PPP5C: variants seen among roughly 807,000 people sequenced by gnomAD.
The protein encoded by PPP5C is protein phosphatase 5 catalytic subunit.
A neutral mutation model predicts 66.7 loss-of-function variants in PPP5C; 21 were observed. The ratio of observed to expected loss-of-function variants is 0.31; its 90% CI spans 0.22 to 0.45. The LOEUF (loss-of-function observed/expected upper bound fraction) is 0.45. Among genes scored for constraint, PPP5C ranks in the 20% least tolerant of loss-of-function variants. The pLI is 1.00. For synonymous variants in PPP5C, 246 were observed against 257.4 expected (o/e 0.96, Z 0.43); for missense variants, 464 against 675.9 (o/e 0.69, Z 3.48).
At position 46,387,110 on chromosome 19, in the gene PPP5C, A is replaced by G; in HGVS notation, c.922A>G (p.Asn308Asp). 3.1e-6 allele frequency: 5 copies of G among 1,614,260 alleles called. No individual in the cohort carries two copies. Among genetic ancestry groups the G allele is most frequent in the Non-Finnish European group, 4.2e-6 (5 of 1,180,052 alleles). The change falls in exon 8 of 13, where the codon AAC becomes GAC. Residue 308 changes from asparagine (N) to aspartate (D), a missense_variant. Around this residue, in one of 2 missense-constraint regions of PPP5C, gnomAD observed 387 missense variants for 626.0 expected, o/e 0.62. Coordinates refer to ENST00000012443, the MANE Select transcript of PPP5C (RefSeq NM_006247.4). ...HLLRGNHETD[N>D]MNQIYGFEGE... Reference sequence around the variant, plus strand: ...TTGGCCAGGCAACCACGAGACAGACAACATGAACCAGATCTACGGTTTCGA... The same window carrying G: ...TTGGCCAGGCAACCACGAGACAGACGACATGAACCAGATCTACGGTTTCGA...
At position 46,388,357 on chromosome 19, in the gene PPP5C, C is replaced by T; in HGVS notation, c.1136-51C>T. On this transcript the variant is annotated intron_variant, in intron 9 of 12. Coordinates refer to ENST00000012443, the MANE Select transcript of PPP5C (RefSeq NM_006247.4). The surrounding 1 kb of genome is among the most constrained non-coding windows in gnomAD (Gnocchi z 4.9). Reference sequence around the variant, plus strand: ...GGCCAGGAGGTGGCCTGTGAGTGACCACCCCCGGGGAGGTGGACGAGTCCC... The same window carrying T: ...GGCCAGGAGGTGGCCTGTGAGTGACTACCCCCGGGGAGGTGGACGAGTCCC... 4 of 1,560,764 alleles carry T rather than the reference C, an allele frequency of 2.6e-6. No homozygotes were observed. The highest frequency in any genetic ancestry group is 3.5e-6 in the Non-Finnish European group (4 of 1,147,246).
At chr19:46,354,437 A>G (rs1483072962) in intron 2 of PPP5C, among the ~76,000 whole-genome samples, 2 of 152,204 alleles carry the variant, frequency 1.3e-5, no homozygotes, top group Non-Finnish European at 2.9e-5. Flanking sequence ...AGGGGCAGGC[A>G]GAAAACCCAC....
chr19:46,367,757 T>G (rs1481818052), intron 2 of PPP5C, among the ~76,000 whole-genome samples: 1 of 152,126 alleles, frequency 6.6e-6, no homozygotes, highest in Non-Finnish European at 1.5e-5. Context: ...AGGGACCAAG[T>G]GTCAGCACTC....
Position 46,383,162 on chromosome 19 carries a change from A to G in PPP5C, c.634-249A>G. On this transcript the variant is annotated intron_variant, in intron 4 of 12. Coordinates refer to ENST00000012443, the MANE Select transcript of PPP5C (RefSeq NM_006247.4). This position sits in a 1 kb window ranked among gnomAD's most constrained non-coding sequence, Gnocchi z 5.0. ...TCCACTTGATGCTGAGTATTTTAAG[A>G]TAATTCAAGAATCAGGTTTTCGTAC... is the stretch of plus-strand genomic sequence containing the variant. 1 of 1,459,958 alleles carries G rather than the reference A, an allele frequency of 6.8e-7. No individual in the cohort carries two copies. The highest frequency in any genetic ancestry group is 9.1e-7 in the Non-Finnish European group (1 of 1,100,636). 90.4% of individuals were successfully genotyped at this position (1,459,958 alleles called of 1,614,324 possible). A position where few individuals can be genotyped will look rare whatever the true frequency, so the allele number is the denominator to read the frequency against.
Position 46,388,134 on chromosome 19 carries a change from C to A in PPP5C, c.1136-274C>A, listed in dbSNP as rs1972924200. On this transcript the variant is annotated intron_variant, in intron 9 of 12. Coordinates refer to ENST00000012443, the MANE Select transcript of PPP5C (RefSeq NM_006247.4). The surrounding 1 kb of genome is among the most constrained non-coding windows in gnomAD (Gnocchi z 4.9). ...CCAAAGGCTTTGAGTGGGAGAGGGGCCTGATCTGAATAGTGACATTGAAAG... is the reference window on the plus strand; with the variant it reads ...CCAAAGGCTTTGAGTGGGAGAGGGGACTGATCTGAATAGTGACATTGAAAG... The A allele has an allele frequency of 2.3e-6, 1 of 440,880 alleles. No homozygotes were observed. 27.3% of individuals were successfully genotyped at this position (440,880 alleles called of 1,614,324 possible).
intron 1 of PPP5C, among the ~76,000 whole-genome samples, chr19:46,350,394 G>A (rs1972163116): frequency 6.6e-6 from 1 of 152,174 alleles, no homozygotes; most frequent in South Asian, 2.1e-4. Context: ...TGCTGCTGAG[G>A]CCGCATCAGA....
rs751223842 is a variant in PPP5C, at chr19:46,387,173, G to A, written c.985G>A (p.Glu329Lys). Residue 329 changes from glutamate (E) to lysine (K), a missense_variant, in exon 8 of 13, where the codon GAG (glutamate) becomes AAG (lysine). Glu to Lys is a moderately conservative substitution (Grantham distance 56). Coordinates refer to ENST00000012443, the MANE Select transcript of PPP5C (RefSeq NM_006247.4). Reference sequence around the variant, plus strand: ...GGCCAAGTACACAGCCCAGATGTACGAGCTCTTTAGCGAGGTGTTCGAGTG... The same window carrying A: ...GGCCAAGTACACAGCCCAGATGTACAAGCTCTTTAGCGAGGTGTTCGAGTG... ...VKAKYTAQMY[E>K]LFSEVFEWLP... The A allele has an allele frequency of 5.6e-6, 9 of 1,614,248 alleles. No individual in the cohort carries two copies. The highest frequency in any genetic ancestry group is 4.5e-5 in the East Asian group (2 of 44,888).
intron 2 of PPP5C, among the ~76,000 whole-genome samples, chr19:46,355,350 G>A (rs1301823005): frequency 1.3e-5 from 2 of 152,178 alleles, no homozygotes; most frequent in Non-Finnish European, 2.9e-5. Flanking sequence ...TGTCGTGTAG[G>A]GAGGGGCAAC....
At chr19:46,374,573 G>C (rs774794240) in intron 2 of PPP5C, among the ~76,000 whole-genome samples, 1 of 152,228 alleles carries the variant, frequency 6.6e-6, no homozygotes, top group Non-Finnish European at 1.5e-5. Context: ...AGAGTTTGCA[G>C]GAATCGGGGT....
intron 7 of PPP5C, 24 bp downstream of exon 7, chr19:46,384,933 TG>T: frequency 1.3e-6 from 2 of 1,581,186 alleles, no homozygotes; most frequent in Non-Finnish European, 1.7e-6. Context: ...TGACAAGGTT[TG>T]GGTTCATTGT....
chr19:46,390,546 A>C lies in PPP5C; in HGVS notation c.*200A>C. On this transcript the variant is annotated 3_prime_UTR_variant, in exon 13 of 13. Coordinates refer to ENST00000012443, the MANE Select transcript of PPP5C (RefSeq NM_006247.4). ...GCTGGCCAGAGGGTCTGCTCCCTGGACAGAGAGGAAGGAGGTGGAGCAGCT... is the reference window on the plus strand; with the variant it reads ...GCTGGCCAGAGGGTCTGCTCCCTGGCCAGAGAGGAAGGAGGTGGAGCAGCT... 2.1e-6 allele frequency: 3 copies of C among 1,419,954 alleles called. No homozygotes were observed. Among genetic ancestry groups the C allele is most frequent in the Non-Finnish European group, 2.8e-6 (3 of 1,086,754 alleles). The allele number at this position is 1,419,954 out of a possible 1,614,324, so 88.0% of individuals were successfully genotyped here. A position where few individuals can be genotyped will look rare whatever the true frequency, so the allele number is the denominator to read the frequency against.
chr19:46,388,560 G>A lies in PPP5C; in HGVS notation c.1184G>A (p.Arg395His), dbSNP rs765379704. ...LWSDPQPQNGRSISKRGVSCQ... is the reference protein window; with the variant it reads ...LWSDPQPQNGHSISKRGVSCQ... ...CCTTCTGCCCACCCTCAGAACGGGC[G>A]CTCGATCAGCAAGCGGGGCGTGAGC... is the stretch of plus-strand genomic sequence containing the variant. Residue 395 changes from arginine (R) to histidine (H), a missense_variant, in exon 11 of 13, where the codon CGC (arginine) becomes CAC (histidine). This residue lies in a region of PPP5C where 387 missense variants were observed against 626.0 expected (regional missense o/e 0.62). Coordinates refer to ENST00000012443, the MANE Select transcript of PPP5C (RefSeq NM_006247.4). The surrounding 1 kb of genome is among the most constrained non-coding windows in gnomAD (Gnocchi z 4.9). The A allele has an allele frequency of 6.2e-6, 10 of 1,613,870 alleles. No homozygotes were observed. The highest frequency in any genetic ancestry group is 3.3e-5 in the Admixed American group (2 of 60,002).
chr19:46,387,409 A>G lies in PPP5C; in HGVS notation c.1091A>G (p.Asp364Gly). The G allele has an allele frequency of 6.2e-7, 1 of 1,612,972 alleles. No individual in the cohort carries two copies. Among genetic ancestry groups the G allele is most frequent in the Non-Finnish European group, 8.5e-7 (1 of 1,179,028 alleles). Residue 364 changes from aspartate to glycine, a missense_variant, in exon 9 of 13, where the codon GAT becomes GGT. Physicochemically the swap from Asp to Gly is moderately conservative, Grantham distance 94. Coordinates refer to ENST00000012443, the MANE Select transcript of PPP5C (RefSeq NM_006247.4). ...GLFSEDGVTL[D>G]DIRKIERNRQ... The stretch of plus-strand genomic sequence containing the variant: ...TTCAGTGAAGACGGTGTCACCCTGG[A>G]TGACATCCGGAAAATTGAGCGGAAT...
In PPP5C at chr19:46,375,888, G is replaced by C. The variant is rs1333364153; in HGVS notation, c.511+137G>C. On this transcript the variant is annotated intron_variant, in intron 3 of 12. Coordinates refer to ENST00000012443, the MANE Select transcript of PPP5C (RefSeq NM_006247.4). ...GCTGGTGTCTGTCGCTCCTCTGCCT[G>C]TGTTCCAGGGCGCTCCATCCACAGC... 6.4e-6 allele frequency: 9 copies of C among 1,399,804 alleles called. No individual in the cohort carries two copies. In the East Asian group the frequency reaches 2.0e-4, roughly 32 times the overall value. 86.7% of individuals were successfully genotyped at this position (1,399,804 alleles called of 1,614,324 possible).
rs202038384 is a variant in PPP5C, at chr19:46,361,128, A to ATTTTTTTTT, written c.363+7139_363+7140insTTTTTTTTT. 1.1e-4 allele frequency among the ~76,000 whole-genome samples: 15 copies of ATTTTTTTTT among 133,410 alleles called. 2 individuals are homozygous for ATTTTTTTTT. Among genetic ancestry groups the ATTTTTTTTT allele is most frequent in the African/African-American group, 1.1e-4 (4 of 35,604 alleles). 87.5% of individuals were successfully genotyped at this position (133,410 alleles called of 152,430 possible). ...TTTACCCAAAAGATAAGTGAAAGAA[A>ATTTTTTTTT]ATTTTTTTTTTTTTTTTTTGAGACG... is the stretch of plus-strand genomic sequence containing the variant. On this transcript the variant is annotated intron_variant, in intron 2 of 12. Transcript: ENST00000012443.
intron 1 of PPP5C, among the ~76,000 whole-genome samples, chr19:46,347,523 T>TACCAA (rs1972104062): frequency 6.6e-6 from 1 of 150,558 alleles, no homozygotes; most frequent in Non-Finnish European, 1.5e-5. Context: ...TAGAGGGCGC[T>TACCAA]ACCAGGCAGT....
chr19:46,387,317 T>A (rs1219573676), intron 8 of PPP5C, 49 bp from the exon 9 acceptor site: 1 of 1,609,416 alleles, frequency 6.2e-7, no homozygotes, highest in East Asian at 2.2e-5. Context: ...AGTTGGGGCC[T>A]GTGGGTGGGT....
intron 12 of PPP5C, 65 bp from the exon 13 acceptor site, chr19:46,390,219 C>T: frequency 1.2e-6 from 2 of 1,605,722 alleles, no homozygotes; most frequent in Admixed American, 1.7e-5. Flanking sequence ...GGGGTAGGTT[C>T]TGCCGGTGGG....
At chr19:46,389,362 AACACACAC>A (rs57181889) in intron 11 of PPP5C, among the ~76,000 whole-genome samples, 22 of 98,002 alleles carry the variant, frequency 2.2e-4, no homozygotes, top group Admixed American at 4.5e-4. Context: ...TCCATCTCAA[AACACACAC>A]ACACACACAC....
Sources: gnomAD v4.1 joint callset for allele counts (sites outside exome capture counted in the v4.1 genomes callset) on GRCh38, gnomAD v4.1.1 for gene constraint, gnomAD v4.1.1 regional missense constraint, Gnocchi (gnomAD v3.1) non-coding constraint, MANE v1.5 for transcripts, NCBI Gene and HGNC (gene_info 2026-07-23, HGNC 2026-07-21) for gene names.